The following SLIT1 variants were observed in gnomAD, a reference collection of about 807,000 sequenced individuals.
SLIT1 encodes slit homolog 1 protein.
Under a neutral mutation model 186.1 loss-of-function variants are expected in SLIT1, and 66 were observed. The observed-to-expected ratio is 0.35, with a 90% CI of 0.29 to 0.44. The LOEUF is 0.44. SLIT1 is among the 20% of genes least tolerant of loss of function. SLIT1 has a pLI of 1.00. For missense variants in SLIT1, 1,638 were observed against 2,037.4 expected (o/e 0.80, Z 3.77); for synonymous variants, 761 against 833.8 (o/e 0.91, Z 1.50).
chr10:97,108,376 AAT>A (rs1849433675), intron 4 of SLIT1, among the ~76,000 whole-genome samples: 1 of 152,206 alleles, frequency 6.6e-6, no homozygotes, highest in Non-Finnish European at 1.5e-5. Context: ...GAGTGAATAA[AAT>A]AGTTCCCAGG....
intron 14 of SLIT1, 44 bp downstream of exon 14, chr10:97,048,911 G>A: frequency 6.3e-7 from 1 of 1,584,562 alleles, no homozygotes; most frequent in Non-Finnish European, 8.6e-7. Context: ...AGGTGGGCAG[G>A]CAGGTAGGTG....
intron 4 of SLIT1, among the ~76,000 whole-genome samples, chr10:97,136,289 G>A (rs1376992933): frequency 1.3e-5 from 2 of 152,072 alleles, no homozygotes; most frequent in Non-Finnish European, 2.9e-5. Flanking sequence ...CGTACCTTCC[G>A]TTTGGTGTTG....
At chr10:97,113,536 C>A (rs1280531643) in intron 4 of SLIT1, among the ~76,000 whole-genome samples, 1 of 148,876 alleles carries the variant, frequency 6.7e-6, no homozygotes, top group Non-Finnish European at 1.5e-5. Context: ...CCATGCTCAG[C>A]CCCAAACATT....
Position 97,060,684 on chromosome 10 carries a change from G to A in SLIT1, c.897C>T (p.Gly299=), listed in dbSNP as rs1291556217. 6.2e-7 allele frequency: 1 copy of A among 1,613,488 alleles called. No individual in the cohort carries two copies. Among genetic ancestry groups the A allele is most frequent in the Non-Finnish European group, 8.5e-7 (1 of 1,180,054 alleles). ...SNGIVDCRGK[G]LTAIPANLPE... ...GCAGGTTGGCCGGGATGGCAGTGAG[G>A]CCTTTTCCACGACAGTCCACGATGC... Residue 299 remains glycine, a synonymous_variant, in exon 9 of 37, where the codon GGC becomes GGT. Coordinates refer to ENST00000266058, the MANE Select transcript of SLIT1 (RefSeq NM_003061.3).
At chr10:97,128,020 C>T (rs1849619573) in intron 4 of SLIT1, among the ~76,000 whole-genome samples, 1 of 152,182 alleles carries the variant, frequency 6.6e-6, no homozygotes, top group Non-Finnish European at 1.5e-5. Context: ...CTCCAAGAAG[C>T]CCCTGGGAAC....
At chr10:97,158,671 A>AG in intron 3 of SLIT1, among the ~76,000 whole-genome samples, 1 of 150,998 alleles carries the variant, frequency 6.6e-6, no homozygotes, top group East Asian at 1.9e-4. Context: ...CAAAAAAAAA[A>AG]AAAAAGAAAG....
intron 4 of SLIT1, among the ~76,000 whole-genome samples, chr10:97,115,546 G>C (rs1157960511): frequency 2.0e-5 from 3 of 152,110 alleles, no homozygotes; most frequent in African/African-American, 7.2e-5. Flanking sequence ...GTCTGAGAAA[G>C]GTGTTCCCAG....
intron 4 of SLIT1, among the ~76,000 whole-genome samples, chr10:97,105,412 C>T (rs1412800812): frequency 1.3e-5 from 2 of 152,130 alleles, no homozygotes; most frequent in African/African-American, 4.8e-5. Context: ...AATGAGGCCC[C>T]AGGAGCAGCA....
chr10:97,168,611 T>G (rs554211197), intron 1 of SLIT1, among the ~76,000 whole-genome samples: 8 of 152,358 alleles, frequency 5.3e-5, no homozygotes, highest in Non-Finnish European at 4.4e-5. Context: ...ATCAAGTTAC[T>G]GGACCACTCC....
At chr10:97,064,114 C>T in intron 7 of SLIT1, 54 bp downstream of exon 7, 1 of 1,438,992 alleles carries the variant, frequency 6.9e-7, no homozygotes, top group Non-Finnish European at 9.6e-7. Flanking sequence ...CCACCCACCC[C>T]CTGGCATCAA....
At chr10:97,052,722 A>C (rs1333839248) in intron 13 of SLIT1, among the ~76,000 whole-genome samples, 1 of 152,222 alleles carries the variant, frequency 6.6e-6, no homozygotes, top group Non-Finnish European at 1.5e-5. Flanking sequence ...GGACTTCGCC[A>C]CAGATCTTGG....
At chr10:97,061,523 T>C (rs1848893984) in intron 8 of SLIT1, among the ~76,000 whole-genome samples, 1 of 152,346 alleles carries the variant, frequency 6.6e-6, no homozygotes, top group South Asian at 2.1e-4. Flanking sequence ...GTTCTGCTCG[T>C]TTACGAACTT....
chr10:97,166,623 G>GAAAGAAAGAAAGAAGAAAAGAAA (rs3979552), intron 1 of SLIT1, among the ~76,000 whole-genome samples: 1 of 42,678 alleles, frequency 2.3e-5, no homozygotes, highest in African/African-American at 9.6e-5. Flanking sequence ...AAGAAAGAAA[G>GAAAGAAAGAAAGAAGAAAAGAAA]AGAAAAGAAA....
chr10:97,135,521 C>G (rs1849693840), intron 4 of SLIT1, among the ~76,000 whole-genome samples: 1 of 152,190 alleles, frequency 6.6e-6, no homozygotes, highest in Non-Finnish European at 1.5e-5. Flanking sequence ...GTGGGGCAAG[C>G]TCAGCGTCCT....
intron 1 of SLIT1, among the ~76,000 whole-genome samples, chr10:97,177,925 G>A (rs908189469): frequency 1.3e-5 from 2 of 152,080 alleles, no homozygotes; most frequent in African/African-American, 2.4e-5. Context: ...GCAGTGAGTC[G>A]AGATTGTGCC....
chr10:97,012,090 AC>A (rs1848416091), intron 30 of SLIT1, among the ~76,000 whole-genome samples: 1 of 141,206 alleles, frequency 7.1e-6, no homozygotes, highest in Non-Finnish European at 1.5e-5. Flanking sequence ...ACACACACAC[AC>A]ACACACACAC....
intron 28 of SLIT1, among the ~76,000 whole-genome samples, chr10:97,018,146 C>T (rs573086857): frequency 2.0e-5 from 3 of 152,282 alleles, no homozygotes; most frequent in Admixed American, 1.3e-4. Context: ...CGAGCACGGC[C>T]TGAATGGAAA....
At chr10:97,048,125 C>T in intron 14 of SLIT1, 129 bp from the exon 15 acceptor site, 6 of 993,028 alleles carry the variant, frequency 6.0e-6, no homozygotes, top group Non-Finnish European at 9.6e-6. Flanking sequence ...TGCCCAGTCC[C>T]TGTGTGCAGA....
At chr10:97,067,511 T>C (rs1589380925) in intron 4 of SLIT1, among the ~76,000 whole-genome samples, 2 of 152,264 alleles carry the variant, frequency 1.3e-5, no homozygotes, top group Non-Finnish European at 2.9e-5. Context: ...AAAGGGAGGC[T>C]CAGAGAAGCT....
Sources: allele counts gnomAD v4.1 joint callset (sites outside exome capture counted in the v4.1 genomes callset), GRCh38; gene constraint gnomAD v4.1.1; transcripts MANE v1.5; gene names NCBI Gene and HGNC (gene_info 2026-07-23, HGNC 2026-07-21).